Variants in GLIS3 observed in about 807,000 individuals in gnomAD.
The protein encoded by GLIS3 is zinc finger protein GLIS3.
In GLIS3, 53 loss-of-function variants were observed where a neutral mutation model predicts 78.6. The ratio of observed to expected loss-of-function variants is 0.67; its 90% confidence interval spans 0.54 to 0.85. The LOEUF (loss-of-function observed/expected upper bound fraction) is 0.85, where lower values mean the gene tolerates loss of function less well. Among genes scored for constraint, GLIS3 ranks in the 40% least tolerant of loss-of-function variants. GLIS3 has a pLI of 0.00. For missense variants in GLIS3, 1,703 were observed against 1,231.1 expected (o/e 1.38, Z -5.74); for synonymous variants, 684 against 509.9 (o/e 1.34, Z -4.60).
intron 2 of GLIS3, among the ~76,000 whole-genome samples, chr9:4,138,081 A>G (rs899692437): frequency 6.6e-6 from 1 of 152,260 alleles, no homozygotes; most frequent in Non-Finnish European, 1.5e-5. Context: ...GTGGACACAC[A>G]GATGAGTCAA....
intron 9 of GLIS3, among the ~76,000 whole-genome samples, chr9:3,846,434 C>A (rs1043114528): frequency 6.6e-6 from 1 of 152,144 alleles, no homozygotes; most frequent in East Asian, 1.9e-4. Flanking sequence ...ATCTGATACA[C>A]AGTAGAAAAA....
chr9:4,457,044 G>C, the GLIS3 span, among the ~76,000 whole-genome samples: 1 of 152,140 alleles, frequency 6.6e-6, no homozygotes, highest in Admixed American at 6.5e-5. Flanking sequence ...ACTCAGGGTT[G>C]CCACAAACCT....
chr9:4,163,387 TAAC>T (rs950543194), intron 2 of GLIS3, among the ~76,000 whole-genome samples: 37 of 152,378 alleles, frequency 2.4e-4, no homozygotes, highest in African/African-American at 8.9e-4. Context: ...TCATTTAACA[TAAC>T]AATTTCATTT....
chr9:3,902,110 C>T (rs1823349894), intron 6 of GLIS3, among the ~76,000 whole-genome samples: 2 of 152,198 alleles, frequency 1.3e-5, no homozygotes, highest in Non-Finnish European at 2.9e-5. Context: ...TTCTTAGCTT[C>T]ACTAAATATT....
intron 4 of GLIS3, among the ~76,000 whole-genome samples, chr9:4,106,700 T>C (rs1359012102): frequency 6.6e-6 from 1 of 152,154 alleles, no homozygotes; most frequent in Non-Finnish European, 1.5e-5. Context: ...TATGAACAGA[T>C]GGGGAATATT....
chr9:3,978,051 C>T (rs1469396273), intron 4 of GLIS3, among the ~76,000 whole-genome samples: 2 of 152,190 alleles, frequency 1.3e-5, no homozygotes, highest in Non-Finnish European at 2.9e-5. Flanking sequence ...GGATCTTTCT[C>T]ATGAAAAGCT....
At chr9:4,294,326 C>T (rs1816289635) in intron 1 of GLIS3, among the ~76,000 whole-genome samples, 1 of 152,112 alleles carries the variant, frequency 6.6e-6, no homozygotes, top group South Asian at 2.1e-4. Flanking sequence ...CTGACTAACA[C>T]AGTGAAACCC....
intron 8 of GLIS3, among the ~76,000 whole-genome samples, chr9:3,869,995 G>C (rs1820868129): frequency 2.0e-5 from 3 of 152,124 alleles, no homozygotes; most frequent in Non-Finnish European, 4.4e-5. Flanking sequence ...GGAAGAAAAA[G>C]GAAGTTTTTA....
chr9:4,283,831 T>C (rs1827763180), intron 2 of GLIS3, among the ~76,000 whole-genome samples: 1 of 152,198 alleles, frequency 6.6e-6, no homozygotes, highest in African/African-American at 2.4e-5. Flanking sequence ...TCTAGACCAC[T>C]GATGGTATCT....
chr9:4,306,698 C>T (rs901822499), intron 4 of GLIS3, among the ~76,000 whole-genome samples: 3 of 152,228 alleles, frequency 2.0e-5, no homozygotes, highest in Non-Finnish European at 4.4e-5. Context: ...CTCTGAGTCT[C>T]ATGCCTTTTT....
chr9:3,883,667 A>T (rs1347238082), intron 7 of GLIS3, among the ~76,000 whole-genome samples: 1 of 152,220 alleles, frequency 6.6e-6, no homozygotes, highest in Non-Finnish European at 1.5e-5. Flanking sequence ...CGACACACAC[A>T]GGCTGCCCAC....
At chr9:4,079,853 G>C (rs1196322896) in intron 4 of GLIS3, among the ~76,000 whole-genome samples, 1 of 151,618 alleles carries the variant, frequency 6.6e-6, no homozygotes, top group African/African-American at 2.4e-5. Context: ...CAGAGCTACT[G>C]ATAAGTAAAC....
chr9:4,356,917 G>A, the GLIS3 span, among the ~76,000 whole-genome samples: 1 of 152,178 alleles, frequency 6.6e-6, no homozygotes, highest in Non-Finnish European at 1.5e-5. Context: ...GCTGGAATTG[G>A]CATTTTCAAA....
intron 4 of GLIS3, among the ~76,000 whole-genome samples, chr9:4,066,383 A>G (rs1376973065): frequency 6.6e-6 from 1 of 152,140 alleles, no homozygotes; most frequent in African/African-American, 2.4e-5. Flanking sequence ...TGATGCTGAT[A>G]GGTACGCCTT....
chr9:4,361,895 T>A, the GLIS3 span, among the ~76,000 whole-genome samples: 5 of 152,238 alleles, frequency 3.3e-5, no homozygotes, highest in Admixed American at 3.3e-4. Context: ...GAAGTTTGTA[T>A]GTTGTTTTTG....
chr9:4,483,946 C>A, the GLIS3 span, among the ~76,000 whole-genome samples: 20 of 152,298 alleles, frequency 1.3e-4, no homozygotes, highest in Admixed American at 3.9e-4. Flanking sequence ...CCTCACCTCA[C>A]TGAGATACTG....
intron 2 of GLIS3, among the ~76,000 whole-genome samples, chr9:4,239,392 G>C (rs1823085301): frequency 6.6e-6 from 1 of 151,536 alleles, no homozygotes; most frequent in South Asian, 2.1e-4. Context: ...CTGCGATGAG[G>C]AAGATGAAGT....
Position 4,285,052 on chromosome 9 carries a change from G to C in GLIS3, c.388+986C>G, listed in dbSNP as rs1199944840. Among the ~76,000 whole-genome samples, 5 of 152,124 alleles carry C rather than the reference G, an allele frequency of 3.3e-5. No individual in the cohort carries two copies. The East Asian group carries it at 7.7e-4, about 23-fold the overall frequency. On this transcript the variant is annotated intron_variant, in intron 2 of 10. Coordinates refer to ENST00000381971, the MANE Select transcript of GLIS3 (RefSeq NM_001042413.2). ...CAACTTTTTGGCTACTTGACTGATA[G>C]AAATCATTATTCACCTTAATTAACT...
intron 4 of GLIS3, among the ~76,000 whole-genome samples, chr9:4,056,118 T>C (rs568814306): frequency 5.9e-5 from 9 of 152,332 alleles, no homozygotes; most frequent in African/African-American, 1.9e-4. Flanking sequence ...CGTGATTATA[T>C]GCAGCCTAGA....
Sources: allele counts gnomAD v4.1 joint callset (sites outside exome capture counted in the v4.1 genomes callset), GRCh38; gene constraint gnomAD v4.1.1; transcripts MANE v1.5; gene names NCBI Gene and HGNC (gene_info 2026-07-23, HGNC 2026-07-21).